The following TNFRSF11A variants were observed in gnomAD, a reference collection of about 807,000 sequenced individuals.
TNFRSF11A encodes tumor necrosis factor receptor superfamily member 11A.
Under a neutral mutation model 55.7 loss-of-function variants are expected in TNFRSF11A, and 32 were observed. The ratio of observed to expected loss-of-function variants is 0.57; its 90% confidence interval spans 0.43 to 0.77. TNFRSF11A has a LOEUF of 0.77. Among genes scored for constraint, TNFRSF11A ranks in the 30% least tolerant of loss-of-function variants. The pLI, the probability that TNFRSF11A is intolerant of heterozygous loss-of-function variation, is 0.00. For synonymous variants in TNFRSF11A, 311 were observed against 331.0 expected (o/e 0.94, Z 0.65); for missense variants, 753 against 809.8 (o/e 0.93, Z 0.85).
chr18:62,377,732 G>A (rs1463840094), intron 9 of TNFRSF11A, among the ~76,000 whole-genome samples: 2 of 152,070 alleles, frequency 1.3e-5, no homozygotes, highest in South Asian at 4.1e-4. Flanking sequence ...TTTTTTAATC[G>A]GGTTATTTGT....
Position 62,365,637 on chromosome 18 carries a change from G to C in TNFRSF11A, c.731-1071G>C, listed in dbSNP as rs75925116. Among the ~76,000 whole-genome samples, 934 of 152,250 alleles carry C rather than the reference G, an allele frequency of 6.1e-3. 4 individuals carry two copies. Among genetic ancestry groups the C allele is most frequent in the Non-Finnish European group, 9.2e-3 (629 of 68,004 alleles). ...AGTCCCTCATAGCCAAAGAAAACTT[G>C]TTAAGAGAATGAGAATGTCTATAGT... On this transcript the variant is annotated intron_variant, in intron 7 of 9. Transcript: ENST00000586569.
intron 4 of TNFRSF11A, among the ~76,000 whole-genome samples, chr18:62,355,086 G>T (rs886412707): frequency 6.6e-6 from 1 of 152,086 alleles, no homozygotes. Context: ...TTTTAAATGC[G>T]CCAATTGTAT....
At chr18:62,336,158 A>T (rs2046229720) in intron 1 of TNFRSF11A, among the ~76,000 whole-genome samples, 1 of 152,230 alleles carries the variant, frequency 6.6e-6, no homozygotes, top group Admixed American at 6.5e-5. Flanking sequence ...AGTGTTTGGA[A>T]ATAGGAGAAA....
intron 7 of TNFRSF11A, among the ~76,000 whole-genome samples, chr18:62,363,557 T>C (rs1212220843): frequency 2.0e-5 from 3 of 151,818 alleles, no homozygotes; most frequent in Admixed American, 6.6e-5. Context: ...TTAGTAGAGA[T>C]GGGGTTTCAC....
chr18:62,362,062 G>T (rs559974267), intron 7 of TNFRSF11A, among the ~76,000 whole-genome samples: 1 of 152,310 alleles, frequency 6.6e-6, no homozygotes, highest in East Asian at 1.9e-4. Flanking sequence ...GAGTTGTGTA[G>T]ACTCTGCAGC....
intron 9 of TNFRSF11A, among the ~76,000 whole-genome samples, chr18:62,373,657 A>T (rs1164424170): frequency 6.6e-6 from 1 of 152,094 alleles, no homozygotes; most frequent in Non-Finnish European, 1.5e-5. Flanking sequence ...AGGGAGCTGG[A>T]GAAGGAGGGG....
At chr18:62,371,891 T>C (rs1290986402) in intron 9 of TNFRSF11A, among the ~76,000 whole-genome samples, 1 of 152,242 alleles carries the variant, frequency 6.6e-6, no homozygotes, top group Admixed American at 6.5e-5. Context: ...TCAAAGCCCC[T>C]GTGCTCTCAG....
At chr18:62,326,545 T>C (rs1360126798) in intron 1 of TNFRSF11A, among the ~76,000 whole-genome samples, 1 of 152,188 alleles carries the variant, frequency 6.6e-6, no homozygotes, top group Non-Finnish European at 1.5e-5. Flanking sequence ...GCTACCTTAT[T>C]TGAACCAAAG....
intron 9 of TNFRSF11A, among the ~76,000 whole-genome samples, chr18:62,375,661 C>T (rs1219130642): frequency 5.3e-5 from 8 of 152,130 alleles, no homozygotes; most frequent in Admixed American, 4.6e-4. Flanking sequence ...ACAAGTTCCT[C>T]GCCCAGGATC....
intron 7 of TNFRSF11A, among the ~76,000 whole-genome samples, chr18:62,362,621 A>G (rs17665027): frequency 0.12 from 17,670 of 152,138 alleles, 1,475 homozygotes; most frequent in Non-Finnish European, 0.18. Flanking sequence ...TTCCCACACA[A>G]ATTTGTTAGT....
At chr18:62,360,174 G>A (rs1909572436) in intron 6 of TNFRSF11A, 125 bp downstream of exon 6, 1 of 724,670 alleles carries the variant, frequency 1.4e-6, no homozygotes, top group Non-Finnish European at 2.5e-6. Flanking sequence ...CCCGTGCATG[G>A]TCAGCTGAAT....
At chr18:62,345,998 C>T (rs1340571853) in intron 1 of TNFRSF11A, among the ~76,000 whole-genome samples, 1 of 152,194 alleles carries the variant, frequency 6.6e-6, no homozygotes. Context: ...CAGATATACT[C>T]AACAGGCACC....
At chr18:62,367,619 T>C (rs1177558686) in intron 8 of TNFRSF11A, among the ~76,000 whole-genome samples, 1 of 152,160 alleles carries the variant, frequency 6.6e-6, no homozygotes, top group Non-Finnish European at 1.5e-5. Context: ...CTTAAATATT[T>C]CAGTGTGTAT....
At position 62,389,954 on chromosome 18, in the gene TNFRSF11A, G is replaced by T. The variant is rs1035135763; in HGVS notation, c.*4920G>T. ...CTTCTTAGCCTTGTTTTCAACATGCGTAAGCAGAAGGTACTAATATTAGTC... is the reference window on the plus strand; with the variant it reads ...CTTCTTAGCCTTGTTTTCAACATGCTTAAGCAGAAGGTACTAATATTAGTC... On this transcript the variant is annotated 3_prime_UTR_variant, in exon 10 of 10. Transcript: ENST00000586569. 6.6e-6 allele frequency: 1 copy of T among 152,200 alleles called. No homozygotes were observed. Among genetic ancestry groups the T allele is most frequent in the Non-Finnish European group, 1.5e-5 (1 of 68,060 alleles). 9.4% of individuals were successfully genotyped at this position (152,200 alleles called of 1,614,324 possible). A position where few individuals can be genotyped will look rare whatever the true frequency, so the allele number is the denominator to read the frequency against.
chr18:62,373,158 C>T (rs986991553), intron 9 of TNFRSF11A, among the ~76,000 whole-genome samples: 1 of 152,174 alleles, frequency 6.6e-6, no homozygotes, highest in African/African-American at 2.4e-5. Flanking sequence ...GCAGCCACAA[C>T]CAGTTAGTGG....
chr18:62,329,520 T>C (rs1270853258), intron 1 of TNFRSF11A, among the ~76,000 whole-genome samples: 1 of 152,232 alleles, frequency 6.6e-6, no homozygotes, highest in East Asian at 1.9e-4. Flanking sequence ...AGTTGCAGTG[T>C]GGGGCTTTCT....
chr18:62,352,150 A>C (rs931752216), intron 3 of TNFRSF11A, among the ~76,000 whole-genome samples: 1 of 152,232 alleles, frequency 6.6e-6, no homozygotes. Flanking sequence ...AGGTGGCCCA[A>C]GGTGTTTTGA....
chr18:62,336,891 T>C (rs910745732), intron 1 of TNFRSF11A: 20 of 152,326 alleles, frequency 1.3e-4, no homozygotes, highest in African/African-American at 4.3e-4. Context: ...GGAGCAGAGA[T>C]AATAAATGCA....
chr18:62,342,551 C>T (rs896872947), intron 1 of TNFRSF11A, among the ~76,000 whole-genome samples: 1 of 151,936 alleles, frequency 6.6e-6, no homozygotes, highest in Non-Finnish European at 1.5e-5. Flanking sequence ...GAATGTTTTG[C>T]TGCGAATCAC....
Sources: gnomAD v4.1 joint callset for allele counts (sites outside exome capture counted in the v4.1 genomes callset) on GRCh38, gnomAD v4.1.1 for gene constraint, MANE v1.5 for transcripts, NCBI Gene and HGNC (gene_info 2026-07-23, HGNC 2026-07-21) for gene names.